LRP2: variants seen among roughly 807,000 people sequenced by gnomAD.
LRP2 encodes low-density lipoprotein receptor-related protein 2.
A neutral mutation model predicts 531.0 loss-of-function variants in LRP2; 172 were observed. The ratio of observed to expected loss-of-function variants is 0.32; its 90% CI spans 0.29 to 0.37. The LOEUF (loss-of-function observed/expected upper bound fraction) is 0.37, where lower values mean the gene tolerates loss of function less well. LRP2 is among the 10% of genes least tolerant of loss of function. LRP2 has a pLI of 1.00. For synonymous variants in LRP2, 1,992 were observed against 2,027.6 expected, an observed-to-expected ratio of 0.98 and a Z score of 0.47; for missense variants, 5,167 against 5,868.3, an observed-to-expected ratio of 0.88 and a Z score of 3.90.
intron 1 of LRP2, among the ~76,000 whole-genome samples, chr2:169,328,455 AAAAAAAAAAG>A (rs1360746436): frequency 4.1e-5 from 6 of 147,498 alleles, no homozygotes; most frequent in Admixed American, 6.7e-5. Context: ...AAAAAAAAAA[AAAAAAAAAAG>A]AAAAAAAAAG....
At chr2:169,170,020 C>T (rs895889885) in intron 59 of LRP2, among the ~76,000 whole-genome samples, 9 of 152,172 alleles carry the variant, frequency 5.9e-5, no homozygotes, top group African/African-American at 1.9e-4. Flanking sequence ...ATGGAAGTAC[C>T]TAGCTCCCTA....
intron 1 of LRP2, among the ~76,000 whole-genome samples, chr2:169,349,713 C>G (rs958521446): frequency 6.6e-6 from 1 of 152,206 alleles, no homozygotes; most frequent in East Asian, 1.9e-4. Flanking sequence ...AAGGCCATTT[C>G]AGCCTGACAT....
intron 26 of LRP2, among the ~76,000 whole-genome samples, chr2:169,239,272 G>T (rs1689719266): frequency 6.6e-6 from 1 of 151,966 alleles, no homozygotes; most frequent in South Asian, 2.1e-4. Flanking sequence ...AAGCCATTTG[G>T]TATTATTTTA....
intron 3 of LRP2, among the ~76,000 whole-genome samples, 170 bp downstream of exon 3, chr2:169,318,592 C>A (rs1001651518): frequency 6.6e-6 from 1 of 152,234 alleles, no homozygotes; most frequent in Non-Finnish European, 1.5e-5. Flanking sequence ...TACATCCGTA[C>A]TTTCAATATC....
chr2:169,320,735 G>T, intron 2 of LRP2, 42 bp downstream of exon 2: 1 of 1,483,976 alleles, frequency 6.7e-7, no homozygotes, highest in Admixed American at 1.7e-5. Context: ...GAAGCACTTA[G>T]GTTACTCAAA....
At chr2:169,344,452 A>G (rs367770810) in intron 1 of LRP2, among the ~76,000 whole-genome samples, 51 of 152,352 alleles carry the variant, frequency 3.3e-4, no homozygotes, top group African/African-American at 1.2e-3. Context: ...TAAGCAGGGA[A>G]GAGAATTTTC....
chr2:169,193,855 C>G lies in LRP2; in HGVS notation c.8736G>C (p.Lys2912Asn). The G allele has an allele frequency of 2.5e-6, 4 of 1,614,168 alleles. No individual in the cohort carries two copies. Among genetic ancestry groups the G allele is most frequent in the Non-Finnish European group, 3.4e-6 (4 of 1,180,030 alleles). Residue 2912 changes from lysine to asparagine, a missense_variant, in exon 47 of 79, where the codon AAG becomes AAC. By Grantham distance (94) the Lys-to-Asn change is moderately conservative. This residue lies in a region of LRP2 where 1,129 missense variants were observed against 1,362.7 expected (regional missense o/e 0.83). Transcript: ENST00000649046. The part of the protein sequence containing the change: ...SERTCLADEF[K>N]CDGGRCIPSE... ...TTGGGATGCACCTCCCACCATCACA[C>G]TTGAACTCATCAGCTAGGCATGTTC...
intron 70 of LRP2, among the ~76,000 whole-genome samples, chr2:169,145,051 T>C (rs1038115671): frequency 6.6e-6 from 1 of 152,250 alleles, no homozygotes; most frequent in African/African-American, 2.4e-5. Flanking sequence ...TTATTTGAGA[T>C]GAGAATAAAA....
chr2:169,173,844 C>G, intron 56 of LRP2, 75 bp downstream of exon 56: 1 of 1,594,476 alleles, frequency 6.3e-7, no homozygotes, highest in Non-Finnish European at 8.6e-7. Context: ...GCTCCATGTC[C>G]TCTCTCAGTC....
intron 16 of LRP2, among the ~76,000 whole-genome samples, chr2:169,260,285 G>C (rs1690493822): frequency 6.6e-6 from 1 of 152,128 alleles, no homozygotes; most frequent in African/African-American, 2.4e-5. Flanking sequence ...TGGTCTGAGA[G>C]CACAGATTCC....
intron 77 of LRP2, among the ~76,000 whole-genome samples, chr2:169,130,129 C>A (rs574204811): frequency 6.6e-6 from 1 of 152,104 alleles, no homozygotes; most frequent in African/African-American, 2.4e-5. Context: ...TTAAGTGGGG[C>A]GGGCCAAAGT....
At chr2:169,295,695 CA>C (rs1258816477) in intron 4 of LRP2, among the ~76,000 whole-genome samples, 3 of 152,210 alleles carry the variant, frequency 2.0e-5, no homozygotes, top group Middle Eastern at 3.4e-3. Flanking sequence ...ACACTTAGTA[CA>C]GGGGTGGGAC....
At chr2:169,173,538 T>C (rs1418950772) in intron 56 of LRP2, among the ~76,000 whole-genome samples, 2 of 152,186 alleles carry the variant, frequency 1.3e-5, no homozygotes, top group African/African-American at 2.4e-5. Context: ...AATGTAACCA[T>C]CCACTTAATG....
chr2:169,236,757 T>C (rs372729591), intron 28 of LRP2, among the ~76,000 whole-genome samples: 46 of 152,316 alleles, frequency 3.0e-4, no homozygotes, highest in African/African-American at 1.0e-3. Flanking sequence ...AATCATGAGT[T>C]ATCAAAGTTA....
At chr2:169,343,297 G>T (rs1434439325) in intron 1 of LRP2, among the ~76,000 whole-genome samples, 1 of 152,174 alleles carries the variant, frequency 6.6e-6, no homozygotes, top group Non-Finnish European at 1.5e-5. Context: ...AGGTGACCAG[G>T]CCTGTCTTCC....
At chr2:169,170,868 G>A (rs990647971) in intron 58 of LRP2, among the ~76,000 whole-genome samples, 2 of 148,592 alleles carry the variant, frequency 1.3e-5, no homozygotes, top group Non-Finnish European at 3.0e-5. Flanking sequence ...CCTTTATTAA[G>A]AAGTTTGTCC....
At chr2:169,209,700 G>A (rs1383520112) in intron 37 of LRP2, 59 bp from the exon 38 acceptor site, 14 of 1,509,180 alleles carry the variant, frequency 9.3e-6, no homozygotes, top group Non-Finnish European at 1.3e-5. Context: ...ACTTTTAAAT[G>A]TCTGCCCTTC....
At chr2:169,352,876 G>A (rs1486866911) in intron 1 of LRP2, among the ~76,000 whole-genome samples, 1 of 151,732 alleles carries the variant, frequency 6.6e-6, no homozygotes, top group African/African-American at 2.4e-5. Context: ...CTGTCAGGGG[G>A]TGGGGGCCAA....
At chr2:169,296,286 T>C (rs927647756) in intron 4 of LRP2, among the ~76,000 whole-genome samples, 2 of 152,196 alleles carry the variant, frequency 1.3e-5, no homozygotes, top group African/African-American at 4.8e-5. Flanking sequence ...AAGGCATTTT[T>C]AAATAGCTGG....
Sources: gnomAD v4.1 joint callset for allele counts (sites outside exome capture counted in the v4.1 genomes callset) on GRCh38, gnomAD v4.1.1 for gene constraint, gnomAD v4.1.1 regional missense constraint, MANE v1.5 for transcripts, NCBI Gene and HGNC (gene_info 2026-07-23, HGNC 2026-07-21) for gene names.